The following RANBP3L variants were observed in gnomAD, a reference collection of about 807,000 sequenced individuals.
RANBP3L encodes RAN binding protein 3 like, also known as ran-binding protein 3-like.
In RANBP3L, 56 loss-of-function variants were observed where a neutral mutation model predicts 67.2. The ratio of observed to expected loss-of-function variants is 0.83; its 90% CI spans 0.67 to 1.04. The LOEUF is 1.04. Ranked by LOEUF, RANBP3L falls within the 50% of genes least tolerant of loss-of-function variation. RANBP3L has a pLI of 0.00. For synonymous variants in RANBP3L, 164 were observed against 181.4 expected (o/e 0.90, Z 0.77); for missense variants, 496 against 535.5 (o/e 0.93, Z 0.73).
chr5:36,254,978 C>CGACCCCCAT (rs1269555245), intron 11 of RANBP3L, among the ~76,000 whole-genome samples: 3 of 152,088 alleles, frequency 2.0e-5, no homozygotes, highest in Admixed American at 6.6e-5. Flanking sequence ...TCCTTCATCC[C>CGACCCCCAT]GACCCCCATC....
chr5:36,262,799 G>A (rs372513643), intron 6 of RANBP3L, among the ~76,000 whole-genome samples: 8 of 152,218 alleles, frequency 5.3e-5, no homozygotes, highest in African/African-American at 1.7e-4. Context: ...TGACAAATAT[G>A]TATCAAGAGA....
intron 8 of RANBP3L, 120 bp downstream of exon 8, chr5:36,260,660 G>T (rs575540886): frequency 5.3e-6 from 3 of 569,146 alleles, no homozygotes; most frequent in African/African-American, 3.9e-5. Flanking sequence ...GAAAATGTGC[G>T]TTTGAACTCA....
At chr5:36,283,121 T>A (rs995186277) in intron 1 of RANBP3L, among the ~76,000 whole-genome samples, 5 of 152,104 alleles carry the variant, frequency 3.3e-5, no homozygotes, top group Non-Finnish European at 7.4e-5. Context: ...CCTGGCTAGC[T>A]CAGTTGGCTC....
At position 36,248,259 on chromosome 5, in the gene RANBP3L, T is replaced by C. The variant is rs1164142353; in HGVS notation, c.*1395A>G. On this transcript the variant is annotated 3_prime_UTR_variant, in exon 14 of 14. Transcript: ENST00000296604. The stretch of plus-strand genomic sequence containing the variant: ...CTTTATTTAGAAGTAAAGGATATTA[T>C]GTGCCATATTTCTTCTAGAATCACT... 1.3e-5 allele frequency among the ~76,000 whole-genome samples: 2 copies of C among 152,200 alleles called. No individual in the cohort carries two copies. The highest frequency in any genetic ancestry group is 4.8e-5 in the African/African-American group (2 of 41,458).
chr5:36,266,586 A>G (rs182765909), intron 4 of RANBP3L, among the ~76,000 whole-genome samples: 205 of 152,342 alleles, frequency 1.3e-3, no homozygotes, highest in African/African-American at 4.7e-3. Context: ...AACATTCTGC[A>G]CAACATAAAA....
intron 4 of RANBP3L, among the ~76,000 whole-genome samples, chr5:36,266,599 G>C (rs1443295806): frequency 6.6e-6 from 1 of 152,100 alleles, no homozygotes; most frequent in East Asian, 1.9e-4. Context: ...ACATAAAACA[G>C]AATGATAATC....
chr5:36,275,664 A>G (rs1350888013), intron 1 of RANBP3L, among the ~76,000 whole-genome samples: 3 of 152,184 alleles, frequency 2.0e-5, no homozygotes, highest in African/African-American at 7.2e-5. Context: ...AAATGAAGAG[A>G]AATAATAGCA....
chr5:36,294,358 G>T (rs1752034606), intron 1 of RANBP3L, among the ~76,000 whole-genome samples: 1 of 151,732 alleles, frequency 6.6e-6, no homozygotes, highest in Admixed American at 6.6e-5. Flanking sequence ...ACCAGCTCCT[G>T]GATTCATTAA....
chr5:36,264,165 A>AT (rs34003725), intron 6 of RANBP3L, among the ~76,000 whole-genome samples: 49,008 of 152,054 alleles, frequency 0.32, 9,082 homozygotes, highest in South Asian at 0.49. Context: ...CCAATCTGGT[A>AT]TTTTTTTACA....
At position 36,274,880 on chromosome 5, in the gene RANBP3L, T is replaced by A. The variant is rs1038074512; in HGVS notation, c.92-3569A>T. 4.6e-5 allele frequency among the ~76,000 whole-genome samples: 7 copies of A among 152,110 alleles called. No individual in the cohort carries two copies. In the East Asian group the frequency reaches 9.6e-4, roughly 21 times the overall value. ...TTTTTTCTTTGTTTAAAATCATGCA[T>A]CCATGACTTTTTTTTTAGAGAAATT... On this transcript the variant is annotated intron_variant, in intron 1 of 13. Transcript: ENST00000296604.
chr5:36,273,452 TTGTGCTGGG>T (rs1750363963), intron 1 of RANBP3L, among the ~76,000 whole-genome samples: 1 of 152,216 alleles, frequency 6.6e-6, no homozygotes, highest in African/African-American at 2.4e-5. Flanking sequence ...TATGCAAGCA[TTGTGCTGGG>T]AACTAGGGAC....
intron 1 of RANBP3L, among the ~76,000 whole-genome samples, chr5:36,285,587 C>G (rs1279581649): frequency 6.6e-6 from 1 of 152,196 alleles, no homozygotes; most frequent in African/African-American, 2.4e-5. Context: ...TTGGTTATCA[C>G]AGTTGTAATT....
rs199757076 is a variant in RANBP3L at position 36,268,213 on chromosome 5, G to T, written c.268+1177C>A. 258 of 1,540,594 alleles carry T rather than the reference G, an allele frequency of 1.7e-4. No individual in the cohort carries two copies. In the African/African-American group the frequency reaches 2.4e-3, roughly 14 times the overall value. On this transcript the variant is annotated intron_variant, in intron 4 of 13. Coordinates refer to ENST00000296604, the MANE Select transcript of RANBP3L (RefSeq NM_145000.5). ...ATTACCTGGCCCAGAATGGGGGAAG[G>T]TTGGGAGGTTAGTGACGGATGAACA... is the stretch of plus-strand genomic sequence containing the variant.
chr5:36,289,507 A>G (rs1751557978), intron 1 of RANBP3L, among the ~76,000 whole-genome samples: 2 of 152,312 alleles, frequency 1.3e-5, no homozygotes, highest in South Asian at 4.1e-4. Flanking sequence ...TCTTAACAAT[A>G]TTGAGCATTC....
At chr5:36,271,184 A>G (rs1001616553) in intron 2 of RANBP3L, 69 bp downstream of exon 2, 2 of 901,958 alleles carry the variant, frequency 2.2e-6, no homozygotes, top group African/African-American at 3.3e-5. Context: ...ATCTTTCAGG[A>G]TAACTAGCTT....
intron 8 of RANBP3L, 53 bp from the exon 9 acceptor site, chr5:36,257,609 C>A: frequency 2.5e-6 from 2 of 804,012 alleles, no homozygotes; most frequent in Non-Finnish European, 4.0e-6. Flanking sequence ...TTAATTTTAT[C>A]CCTACTATGT....
chr5:36,249,583 TTAGGGTGGTTTAGTATTTTCAG>T lies in RANBP3L; in HGVS notation c.*49_*70del. 1.5e-6 allele frequency: 1 copy of T among 666,008 alleles called. No individual in the cohort carries two copies. The highest frequency in any genetic ancestry group is 2.9e-5 in the East Asian group (1 of 34,596). The allele number at this position is 666,008 out of a possible 1,614,324, so 41.3% of individuals were successfully genotyped here. A position where few individuals can be genotyped will look rare whatever the true frequency, so the allele number is the denominator to read the frequency against. ...GGAATGAATAGAATCTTCTCATTAG[TTAGGGTGGTTTAGTATTTTCAG>T]TAGGGTGACCCCTCTTTTTGTAGAT... On this transcript the variant is annotated 3_prime_UTR_variant, in exon 14 of 14. Coordinates refer to ENST00000296604, the MANE Select transcript of RANBP3L (RefSeq NM_145000.5).
At chr5:36,268,111 G>T in intron 4 of RANBP3L, 1 of 883,442 alleles carries the variant, frequency 1.1e-6, no homozygotes, top group Non-Finnish European at 1.7e-6. Context: ...TTTTATGATC[G>T]CTAAAAAAGA....
intron 5 of RANBP3L, 44 bp downstream of exon 5, chr5:36,265,405 T>C (rs1219917540): frequency 5.4e-6 from 7 of 1,291,688 alleles, no homozygotes; most frequent in Non-Finnish European, 7.8e-6. Context: ...ATATAGGTGG[T>C]AAAATATACA....
Sources: allele counts gnomAD v4.1 joint callset (sites outside exome capture counted in the v4.1 genomes callset), GRCh38; gene constraint gnomAD v4.1.1; transcripts MANE v1.5; gene names NCBI Gene and HGNC (gene_info 2026-07-23, HGNC 2026-07-21).